The following KSR1 variants were observed in gnomAD, a reference collection of about 807,000 sequenced individuals.
The protein encoded by KSR1 is kinase suppressor of ras 1, also known as kinase suppressor of ras.
KSR1 carries 35 observed loss-of-function variants against 92.9 expected under a neutral mutation model. The ratio of observed to expected loss-of-function variants is 0.38; its 90% CI spans 0.29 to 0.50. The LOEUF (loss-of-function observed/expected upper bound fraction) is 0.50. Among genes scored for constraint, KSR1 ranks in the 20% least tolerant of loss-of-function variants. The pLI is 0.94. For synonymous variants in KSR1, 467 were observed against 472.6 expected, an observed-to-expected ratio of 0.99 and a Z score of 0.15; for missense variants, 972 against 1,158.5, an observed-to-expected ratio of 0.84 and a Z score of 2.34.
At chr17:27,585,608 G>C (rs778410200) in intron 4 of KSR1, 49 bp from the exon 5 acceptor site, 1 of 743,466 alleles carries the variant, frequency 1.3e-6, no homozygotes, top group African/African-American at 1.7e-5. Flanking sequence ...GGAACACGCC[G>C]AGCCAGCGTG....
intron 2 of KSR1, chr17:27,558,218 C>T (rs758044380): frequency 2.6e-5 from 4 of 152,038 alleles, no homozygotes; most frequent in Non-Finnish European, 5.9e-5. Flanking sequence ...GACCTCTTCA[C>T]GCATTTTACA....
chr17:27,604,836 G>C (rs546217258), intron 13 of KSR1, 108 bp downstream of exon 13: 1 of 1,139,408 alleles, frequency 8.8e-7, no homozygotes, highest in Admixed American at 1.7e-5. Flanking sequence ...ACTTTGGCAA[G>C]GGCTGTCCCA....
chr17:27,532,690 G>C (rs1001249733), intron 1 of KSR1, among the ~76,000 whole-genome samples: 2 of 152,188 alleles, frequency 1.3e-5, no homozygotes, highest in African/African-American at 4.8e-5. Context: ...AAAGAGGTTG[G>C]AGCTGGTGGA....
intron 2 of KSR1, among the ~76,000 whole-genome samples, chr17:27,562,053 C>G (rs1483707779): frequency 1.3e-5 from 2 of 152,146 alleles, no homozygotes; most frequent in Non-Finnish European, 2.9e-5. Flanking sequence ...TCCATGTTGG[C>G]CAGGCTAGTC....
chr17:27,489,333 G>A (rs2068755670), intron 1 of KSR1, among the ~76,000 whole-genome samples: 1 of 152,218 alleles, frequency 6.6e-6, no homozygotes, highest in South Asian at 2.1e-4. Context: ...ACATCCCTGC[G>A]AGGGATCTGG....
chr17:27,543,262 G>A (rs763972853), intron 1 of KSR1, among the ~76,000 whole-genome samples: 38 of 152,246 alleles, frequency 2.5e-4, no homozygotes, highest in Non-Finnish European at 4.3e-4. Context: ...TGGCCACAGA[G>A]GAACCCAGCC....
chr17:27,456,684 A>C lies in KSR1; in HGVS notation c.41A>C (p.Lys14Thr), dbSNP rs760268155. 1.3e-5 allele frequency: 9 copies of C among 714,194 alleles called. No individual in the cohort carries two copies. In the Admixed American group the frequency reaches 1.9e-4, roughly 15 times the overall value. The allele number at this position is 714,194 out of a possible 1,614,324, so 44.2% of individuals were successfully genotyped here. A position where few individuals can be genotyped will look rare whatever the true frequency, so the allele number is the denominator to read the frequency against. ...AALRAAAMGE[K>T]KEGGGGGDAA... ...CTGCGCGCGGCGGCGATGGGAGAGAAGAAGGAGGGCGGTGGCGGGGGGGAT... is the reference window on the plus strand; with the variant it reads ...CTGCGCGCGGCGGCGATGGGAGAGACGAAGGAGGGCGGTGGCGGGGGGGAT... The change falls in exon 1 of 21, where the codon AAG (lysine) becomes ACG (threonine). Residue 14 changes from lysine (K) to threonine (T), a missense_variant. This residue lies in a region of KSR1 where 36 missense variants were observed against 16.0 expected (regional missense o/e 2.25). Coordinates refer to ENST00000644974, the MANE Select transcript of KSR1 (RefSeq NM_001394583.1).
chr17:27,508,967 G>T (rs1359460875), intron 1 of KSR1, among the ~76,000 whole-genome samples: 2 of 151,952 alleles, frequency 1.3e-5, no homozygotes, highest in African/African-American at 4.8e-5. Context: ...TTGACCTCAG[G>T]TGATCCACCC....
intron 9 of KSR1, among the ~76,000 whole-genome samples, chr17:27,593,161 A>G (rs1269339581): frequency 1.3e-5 from 2 of 152,240 alleles, no homozygotes; most frequent in African/African-American, 4.8e-5. Context: ...GTGCATTTCC[A>G]TCCATAGCCA....
Position 27,559,880 on chromosome 17 carries a change from G to A in KSR1, c.372+9172G>A, listed in dbSNP as rs2071751550. On this transcript the variant is annotated intron_variant, in intron 2 of 20. Coordinates refer to ENST00000644974, the MANE Select transcript of KSR1 (RefSeq NM_001394583.1). The surrounding 1 kb of genome is among the most constrained non-coding windows in gnomAD (Gnocchi z 4.2). ...CGGGGAGCCGGGGTGGATTCCTGCA[G>A]CTCTCCCTGTGTGCAGTGTAGGGGT... Among the ~76,000 whole-genome samples, 1 of 152,272 alleles carries A rather than the reference G, an allele frequency of 6.6e-6. No individual in the cohort carries two copies. Among genetic ancestry groups the A allele is most frequent in the Non-Finnish European group, 1.5e-5 (1 of 68,050 alleles).
At chr17:27,605,858 C>T in intron 14 of KSR1, 45 bp downstream of exon 14, 7 of 1,604,616 alleles carry the variant, frequency 4.4e-6, no homozygotes, top group Non-Finnish European at 6.0e-6. Context: ...AGCTCAGCCT[C>T]CCCCTTCCCA....
In KSR1 at chr17:27,459,474, A is replaced by G. The variant is rs2019334731; in HGVS notation, c.231+2600A>G. On this transcript the variant is annotated intron_variant, in intron 1 of 20. Transcript: ENST00000644974. This position sits in a 1 kb window ranked among gnomAD's most constrained non-coding sequence, Gnocchi z 4.6. ...GTGACACAAGCCAGGAAACAATCTC[A>G]GCAAGCTGGGTGGGACCGTCCACCG... Among the ~76,000 whole-genome samples, 1 of 152,222 alleles carries G rather than the reference A, an allele frequency of 6.6e-6. No homozygotes were observed. The highest frequency in any genetic ancestry group is 2.4e-5 in the African/African-American group (1 of 41,460).
chr17:27,482,278 A>G (rs2068534883), intron 1 of KSR1, among the ~76,000 whole-genome samples: 1 of 152,130 alleles, frequency 6.6e-6, no homozygotes, highest in Non-Finnish European at 1.5e-5. Flanking sequence ...TAAAAATTAT[A>G]TCCATGGCCC....
In KSR1 at chr17:27,535,003, G is replaced by C. The variant is rs187892651; in HGVS notation, c.232-15565G>C. ...CCTTCTCAGATCGCTTAGGAAAAGC[G>C]TGTGGATGTCCTTGTCAGGGCTTTC... is the stretch of plus-strand genomic sequence containing the variant. On this transcript the variant is annotated intron_variant, in intron 1 of 20. Transcript: ENST00000644974. Among the ~76,000 whole-genome samples the C allele has an allele frequency of 1.7e-4, 26 of 152,334 alleles. No individual in the cohort carries two copies. The East Asian group carries it at 4.2e-3, about 25-fold the overall frequency.
At chr17:27,501,292 C>CTTTT in intron 1 of KSR1, among the ~76,000 whole-genome samples, 610 of 49,810 alleles carry the variant, frequency 0.012, 6 homozygotes, top group South Asian at 0.018. Flanking sequence ...TTCTTTTCTT[C>CTTTT]TTTTTTTTTT....
At chr17:27,568,810 G>C (rs578169047) in intron 2 of KSR1, among the ~76,000 whole-genome samples, 1 of 152,210 alleles carries the variant, frequency 6.6e-6, no homozygotes, top group African/African-American at 2.4e-5. Context: ...CTGTTGAGGG[G>C]CACGTCCTGT....
At chr17:27,599,560 ATCAG>A (rs1213621142) in intron 10 of KSR1, among the ~76,000 whole-genome samples, 1 of 152,222 alleles carries the variant, frequency 6.6e-6, no homozygotes, top group African/African-American at 2.4e-5. Context: ...CTGTCTCTAA[ATCAG>A]TCAATCAGTC....
intron 1 of KSR1, among the ~76,000 whole-genome samples, chr17:27,536,126 G>A (rs1417620901): frequency 2.0e-5 from 3 of 152,234 alleles, no homozygotes; most frequent in African/African-American, 7.2e-5. Context: ...CAGGCACAGC[G>A]CTGAAGTGAG....
intron 2 of KSR1, among the ~76,000 whole-genome samples, chr17:27,568,514 G>T (rs1004616489): frequency 6.6e-6 from 1 of 152,222 alleles, no homozygotes; most frequent in South Asian, 2.1e-4. Flanking sequence ...GAGGAGGAGG[G>T]GACTCGTCTG....
Sources: gnomAD v4.1 joint callset for allele counts (sites outside exome capture counted in the v4.1 genomes callset) on GRCh38, gnomAD v4.1.1 for gene constraint, gnomAD v4.1.1 regional missense constraint, Gnocchi (gnomAD v3.1) non-coding constraint, MANE v1.5 for transcripts, NCBI Gene and HGNC (gene_info 2026-07-23, HGNC 2026-07-21) for gene names.